Variants in DOCK4 observed in about 807,000 individuals in gnomAD.
DOCK4 encodes dedicator of cytokinesis 4.
DOCK4 carries 97 observed loss-of-function variants against 268.1 expected under a neutral mutation model. That is an observed-to-expected ratio of 0.36 (90% CI 0.31 to 0.43). The LOEUF (loss-of-function observed/expected upper bound fraction) is 0.43, where lower values mean the gene tolerates loss of function less well. Ranked by LOEUF, DOCK4 falls within the 20% of genes least tolerant of loss-of-function variation. The pLI, the probability that DOCK4 is intolerant of heterozygous loss-of-function variation, is 1.00. For synonymous variants in DOCK4, 954 were observed against 887.2 expected (o/e 1.08, Z -1.34); for missense variants, 2,145 against 2,455.7 (o/e 0.87, Z 2.67).
chr7:111,882,188 CATAAAT>C (rs144291678), intron 16 of DOCK4, among the ~76,000 whole-genome samples: 7 of 152,120 alleles, frequency 4.6e-5, no homozygotes, highest in Non-Finnish European at 7.4e-5. Context: ...TCATATACCC[CATAAAT>C]ATAATCACCT....
At chr7:111,765,652 G>A (rs1424524535) in intron 38 of DOCK4, among the ~76,000 whole-genome samples, 2 of 152,214 alleles carry the variant, frequency 1.3e-5, no homozygotes, top group Admixed American at 6.5e-5. Flanking sequence ...TGTGCCAGAT[G>A]TACTTACCTG....
intron 1 of DOCK4, among the ~76,000 whole-genome samples, chr7:112,047,131 A>T (rs1433579406): frequency 2.6e-5 from 4 of 152,198 alleles, no homozygotes; most frequent in Non-Finnish European, 5.9e-5. Context: ...TTCGTGGGAC[A>T]CTTTGGAGAG....
intron 8 of DOCK4, among the ~76,000 whole-genome samples, chr7:111,959,475 G>C (rs548139843): frequency 1.4e-4 from 22 of 152,242 alleles, no homozygotes; most frequent in Admixed American, 1.4e-3. Context: ...GAACTTCTGC[G>C]ATCATGCTAT....
intron 1 of DOCK4, among the ~76,000 whole-genome samples, chr7:112,078,948 A>G (rs575043189): frequency 6.6e-6 from 1 of 152,238 alleles, no homozygotes; most frequent in South Asian, 2.1e-4. Context: ...TAACATGGCA[A>G]AACTCCGTCT....
chr7:111,944,807 C>T lies in DOCK4; in HGVS notation c.844+4G>A. On this transcript the variant is annotated splice_donor_region_variant and intron_variant, in intron 10 of 52. Transcript: ENST00000428084. ...CCTACTGCACTGACAAGTGTTATAC[C>T]TACCGATTCGGATAATGTGCACGGT... 1 of 1,613,718 alleles carries T rather than the reference C, an allele frequency of 6.2e-7. No individual in the cohort carries two copies. The highest frequency in any genetic ancestry group is 8.5e-7 in the Non-Finnish European group (1 of 1,179,670).
Position 111,989,181 on chromosome 7 carries a change from GTGGAGATT to G in DOCK4, c.316-26_316-19del, listed in dbSNP as rs1799299175. 6.2e-7 allele frequency: 1 copy of G among 1,613,490 alleles called. No homozygotes were observed. Among genetic ancestry groups the G allele is most frequent in the Non-Finnish European group, 8.5e-7 (1 of 1,179,706 alleles). On this transcript the variant is annotated intron_variant, in intron 5 of 52. Transcript: ENST00000428084. ...TCATTACGCTAAGAAATATACAAAT[GTGGAGATT>G]TGGCAGTCAGTACCTATACTGAGTT...
At chr7:111,983,392 G>A (rs1272893849) in intron 7 of DOCK4, among the ~76,000 whole-genome samples, 2 of 152,138 alleles carry the variant, frequency 1.3e-5, no homozygotes, top group African/African-American at 2.4e-5. Context: ...CCAATAGGCA[G>A]TCCTTCTTGG....
chr7:111,793,382 T>C (rs565455011), intron 30 of DOCK4, among the ~76,000 whole-genome samples: 30 of 152,368 alleles, frequency 2.0e-4, no homozygotes, highest in African/African-American at 5.8e-4. Flanking sequence ...AAGCAATGGT[T>C]TGAATTTTTA....
At chr7:111,863,606 C>T (rs1232268282) in intron 22 of DOCK4, 42 bp from the exon 23 acceptor site, 1 of 1,524,668 alleles carries the variant, frequency 6.6e-7, no homozygotes. Context: ...CCAGATACGC[C>T]ATGAGAAATA....
At chr7:111,830,326 T>C (rs1802724074) in intron 26 of DOCK4, among the ~76,000 whole-genome samples, 1 of 152,018 alleles carries the variant, frequency 6.6e-6, no homozygotes, top group African/African-American at 2.4e-5. Flanking sequence ...CTCAAGAAGC[T>C]GAGGAAGAGG....
At chr7:111,932,016 C>T (rs1384934034) in intron 12 of DOCK4, among the ~76,000 whole-genome samples, 1 of 152,104 alleles carries the variant, frequency 6.6e-6, no homozygotes, top group Non-Finnish European at 1.5e-5. Flanking sequence ...TGACCTTTAA[C>T]GCAGGCCTTA....
chr7:111,772,290 T>C (rs762160446), intron 36 of DOCK4, among the ~76,000 whole-genome samples: 7 of 152,132 alleles, frequency 4.6e-5, no homozygotes, highest in Non-Finnish European at 1.0e-4. Flanking sequence ...CATACGCCTG[T>C]AGTCCCAGCT....
At chr7:111,989,483 C>A (rs1295239460) in intron 5 of DOCK4, among the ~76,000 whole-genome samples, 1 of 152,202 alleles carries the variant, frequency 6.6e-6, no homozygotes, top group South Asian at 2.1e-4. Flanking sequence ...TTGACTTCCA[C>A]CTCCATCAGG....
chr7:111,769,311 G>A (rs567769571), intron 37 of DOCK4, among the ~76,000 whole-genome samples: 2 of 152,252 alleles, frequency 1.3e-5, no homozygotes, highest in South Asian at 2.1e-4. Flanking sequence ...GACAAGGCAC[G>A]AATCAGAATG....
chr7:112,077,531 G>A (rs915306175), intron 1 of DOCK4, among the ~76,000 whole-genome samples: 2 of 152,030 alleles, frequency 1.3e-5, no homozygotes, highest in Non-Finnish European at 2.9e-5. Flanking sequence ...GATGGAATAC[G>A]TATTTAGAAA....
At chr7:112,152,888 ACTAAGAGC>A (rs1405433112) in intron 1 of DOCK4, among the ~76,000 whole-genome samples, 1 of 152,196 alleles carries the variant, frequency 6.6e-6, no homozygotes, top group Admixed American at 6.5e-5. Context: ...ATTTCTTCAA[ACTAAGAGC>A]CTGTAAGAGT....
intron 30 of DOCK4, among the ~76,000 whole-genome samples, chr7:111,791,458 T>A (rs1563510815): frequency 6.8e-6 from 1 of 146,788 alleles, no homozygotes. Flanking sequence ...GTTTTTTTTG[T>A]TTTTTTTTTG....
intron 1 of DOCK4, among the ~76,000 whole-genome samples, chr7:112,191,105 G>T (rs1819914592): frequency 6.6e-6 from 1 of 152,100 alleles, no homozygotes; most frequent in South Asian, 2.1e-4. Flanking sequence ...TTTGAGGCAG[G>T]GCCTCATTAT....
At chr7:112,035,032 T>A (rs933885766) in intron 1 of DOCK4, among the ~76,000 whole-genome samples, 1 of 152,222 alleles carries the variant, frequency 6.6e-6, no homozygotes, top group Non-Finnish European at 1.5e-5. Context: ...AGGAAAGTCC[T>A]GGACACACGG....
Sources: allele counts gnomAD v4.1 joint callset (sites outside exome capture counted in the v4.1 genomes callset), GRCh38; gene constraint gnomAD v4.1.1; transcripts MANE v1.5; gene names NCBI Gene and HGNC (gene_info 2026-07-23, HGNC 2026-07-21).